Variants in STAG2 observed in about 807,000 individuals in gnomAD.
STAG2 encodes the protein STAG2 cohesin complex component, also known as cohesin subunit SA-2.
Under a neutral mutation model 108.1 loss-of-function variants are expected in STAG2, and 14 were observed. The observed-to-expected ratio is 0.13, with a 90% CI of 0.09 to 0.20. STAG2 has a LOEUF of 0.20. Ranked by LOEUF, STAG2 falls within the 10% of genes least tolerant of loss-of-function variation. STAG2 has a pLI of 1.00. For missense variants in STAG2, 440 were observed against 940.9 expected, an observed-to-expected ratio of 0.47 and a Z score of 6.96; for synonymous variants, 307 against 302.7, an observed-to-expected ratio of 1.01 and a Z score of -0.15.
At position 124,102,637 on chromosome X, in the gene STAG2, CA is replaced by C. The variant is rs2059523726; in HGVS notation, c.*2041del. The C allele has an allele frequency of 7.3e-6, 1 of 136,976 alleles. No individual in the cohort carries two copies. The highest frequency in any genetic ancestry group is 1.5e-5 in the Non-Finnish European group (1 of 68,196). The allele number at this position is 136,976 out of a possible 1,213,427, so 11.3% of individuals were successfully genotyped here. A position where few individuals can be genotyped will look rare whatever the true frequency, so the allele number is the denominator to read the frequency against. On this transcript the variant is annotated 3_prime_UTR_variant, in exon 35 of 35. Coordinates refer to ENST00000371145, the MANE Select transcript of STAG2 (RefSeq NM_001042750.2). ...CCATCAGTTTATATTTTTAATAAAT[CA>C]TATGTATTTACAATGAAACCAAATC...
chrX:124,040,854 C>CTTTTTT (rs1163780101), intron 6 of STAG2, among the ~76,000 whole-genome samples: 7 of 76,639 alleles, frequency 9.1e-5, no homozygotes, highest in African/African-American at 2.0e-4. Flanking sequence ...CCTCTTCTCT[C>CTTTTTT]TTTTTTTTTT....
Position 124,063,196 on chromosome X carries a change from A to G in STAG2, c.1812A>G (p.Arg604=), listed in dbSNP as rs2058430679. 7 of 1,183,894 alleles carry G rather than the reference A, an allele frequency of 5.9e-6. No homozygotes were observed. Among genetic ancestry groups the G allele is most frequent in the Non-Finnish European group, 8.0e-6 (7 of 878,599 alleles). Residue 604 remains arginine (R), a synonymous_variant, in exon 19 of 35, where the codon CGA becomes CGG. Coordinates refer to ENST00000371145, the MANE Select transcript of STAG2 (RefSeq NM_001042750.2). ...YFDLEIYTTG[R]LEKHLDALLR... is the part of the protein sequence containing the mutation. The stretch of plus-strand genomic sequence containing the variant: ...ATTTGGAAATATATACCACTGGACG[A>G]TTAGAAAAGGTAAGATTATTTTGTG...
In STAG2 at chrX:123,991,084, A is replaced by G. The variant is rs5958368; in HGVS notation, c.-163+29228A>G. Reference sequence around the variant, plus strand: ...TAATCACTTGTGTGACACCTTCACTATACTTTAAATTCACTGGGGGGAGAG... The same window carrying G: ...TAATCACTTGTGTGACACCTTCACTGTACTTTAAATTCACTGGGGGGAGAG... On this transcript the variant is annotated intron_variant, in intron 1 of 34. Coordinates refer to ENST00000371145, the MANE Select transcript of STAG2 (RefSeq NM_001042750.2). Among the ~76,000 whole-genome samples the G allele has an allele frequency of 6.1e-3, 681 of 112,202 alleles. 5 individuals carry two copies. Among genetic ancestry groups the G allele is most frequent in the African/African-American group, 0.02 (629 of 30,860 alleles).
At chrX:124,071,522 G>C (rs755195577) in intron 25 of STAG2, among the ~76,000 whole-genome samples, 199 bp downstream of exon 25, 1 of 111,535 alleles carries the variant, frequency 9.0e-6, no homozygotes, top group African/African-American at 3.3e-5. Flanking sequence ...AGGCTTTCAA[G>C]TCAGATCGCT....
At chrX:124,018,079 T>C (rs1029227121) in intron 1 of STAG2, among the ~76,000 whole-genome samples, 1 of 112,007 alleles carries the variant, frequency 8.9e-6, no homozygotes, top group Non-Finnish European at 1.9e-5. Flanking sequence ...TAGGTTTTTT[T>C]CCCAGAAGGA....
At chrX:124,007,281 T>C (rs2147886911) in intron 1 of STAG2, among the ~76,000 whole-genome samples, 1 of 111,109 alleles carries the variant, frequency 9.0e-6, no homozygotes, top group African/African-American at 3.3e-5. Flanking sequence ...CCTCCCAAAG[T>C]GCTGGGATTA....
chrX:124,059,034 C>T (rs1034222959), intron 15 of STAG2, among the ~76,000 whole-genome samples: 6 of 110,846 alleles, frequency 5.4e-5, no homozygotes, highest in East Asian at 2.8e-4. Flanking sequence ...TAGAATGTTG[C>T]GCTTAGGTGC....
intron 1 of STAG2, among the ~76,000 whole-genome samples, chrX:123,965,719 C>G (rs1422414621): frequency 9.0e-6 from 1 of 111,478 alleles, no homozygotes; most frequent in African/African-American, 3.3e-5. Flanking sequence ...ATCGGCGGGG[C>G]ACAGTGGCTC....
chrX:124,087,961 C>A (rs760671041), intron 30 of STAG2, among the ~76,000 whole-genome samples: 3 of 112,377 alleles, frequency 2.7e-5, no homozygotes, highest in Non-Finnish European at 5.6e-5. Flanking sequence ...GTCCCAACAT[C>A]ACAGTTGATG....
chrX:124,035,308 C>G (rs2057483720), intron 5 of STAG2, among the ~76,000 whole-genome samples: 1 of 111,673 alleles, frequency 9.0e-6, no homozygotes. Flanking sequence ...ATTTCAGTAG[C>G]TCGCATTATT....
chrX:124,067,690 C>G (rs1039174911), intron 23 of STAG2, among the ~76,000 whole-genome samples: 3 of 111,287 alleles, frequency 2.7e-5, no homozygotes, highest in Non-Finnish European at 5.7e-5. Context: ...AAAAACTAAA[C>G]TGGAAAAAAG....
chrX:124,033,668 A>G (rs2057415165), intron 5 of STAG2, among the ~76,000 whole-genome samples: 1 of 111,635 alleles, frequency 9.0e-6, no homozygotes, highest in Non-Finnish European at 1.9e-5. Flanking sequence ...AGGCTTAGGC[A>G]GGAGAATCAC....
chrX:124,021,658 G>C (rs893330496), intron 2 of STAG2, among the ~76,000 whole-genome samples: 1 of 111,824 alleles, frequency 8.9e-6, no homozygotes, highest in African/African-American at 3.3e-5. Context: ...GTTCCTTGAG[G>C]GAGAGGAATA....
intron 30 of STAG2, among the ~76,000 whole-genome samples, chrX:124,090,254 C>T (rs944573136): frequency 4.7e-5 from 5 of 107,072 alleles, no homozygotes; most frequent in Non-Finnish European, 7.7e-5. Context: ...GAATAAAAAG[C>T]CTTTCTAGCC....
At position 124,048,022 on chromosome X, in the gene STAG2, G is replaced by A. The variant is rs189032589; in HGVS notation, c.819+517G>A. The stretch of plus-strand genomic sequence containing the variant: ...AGTAAATAAAATCTTTTGATGCTGC[G>A]GCTGTAATTTAAATTCTTTCTTCAT... On this transcript the variant is annotated intron_variant, in intron 9 of 34. Coordinates refer to ENST00000371145, the MANE Select transcript of STAG2 (RefSeq NM_001042750.2). 5.4e-5 allele frequency among the ~76,000 whole-genome samples: 6 copies of A among 111,774 alleles called. No homozygotes were observed. In the South Asian group the frequency reaches 1.1e-3, roughly 21 times the overall value.
At position 124,026,004 on chromosome X, in the gene STAG2, T is replaced by G. The variant is rs771023969; in HGVS notation, c.123+86T>G. The G allele has an allele frequency of 2.9e-5, 21 of 727,781 alleles. 1 individual carries two copies. The South Asian group carries it at 4.7e-4, about 16-fold the overall frequency. 60.0% of individuals were successfully genotyped at this position (727,781 alleles called of 1,213,427 possible). On this transcript the variant is annotated intron_variant, in intron 4 of 34. Transcript: ENST00000371145. ...AGTTATGTCTCAGATAGTTTTATCT[T>G]TTAAAAATGGCTTTTTAAGGGGGTG...
intron 13 of STAG2, among the ~76,000 whole-genome samples, chrX:124,053,209 G>T (rs936315736): frequency 8.9e-6 from 1 of 112,226 alleles, no homozygotes; most frequent in Non-Finnish European, 1.9e-5. Context: ...CCAAGCACTT[G>T]GGTGGTATGT....
chrX:124,058,367 C>T (rs918376430), intron 15 of STAG2, among the ~76,000 whole-genome samples: 36 of 111,280 alleles, frequency 3.2e-4, no homozygotes, highest in African/African-American at 1.0e-3. Context: ...CCAGGCTGGT[C>T]TTAAACTCCT....
At chrX:124,029,011 A>ATATATATT (rs1556502224) in intron 4 of STAG2, among the ~76,000 whole-genome samples, 1 of 82,516 alleles carries the variant, frequency 1.2e-5, no homozygotes, top group African/African-American at 4.6e-5. Context: ...ATATATATAT[A>ATATATATT]TATTTATTTA....
Sources: gnomAD v4.1 joint callset for allele counts (sites outside exome capture counted in the v4.1 genomes callset) on GRCh38, gnomAD v4.1.1 for gene constraint, MANE v1.5 for transcripts, NCBI Gene and HGNC (gene_info 2026-07-23, HGNC 2026-07-21) for gene names.